DYM: variants seen among roughly 807,000 people sequenced by gnomAD.
The protein encoded by DYM is dyggve-Melchior-Clausen syndrome protein.
In DYM, 78 loss-of-function variants were observed where a neutral mutation model predicts 93.1. That is an observed-to-expected ratio of 0.84 (90% CI 0.70 to 1.01). The LOEUF (loss-of-function observed/expected upper bound fraction) is 1.01. Ranked by LOEUF, DYM falls within the 50% of genes least tolerant of loss-of-function variation. The probability of loss-of-function intolerance (pLI) is 0.00; values close to 1 mark genes in which losing one functional copy is unlikely to be tolerated. For synonymous variants in DYM, 321 were observed against 319.7 expected, an observed-to-expected ratio of 1.00 and a Z score of -0.04; for missense variants, 789 against 845.0, an observed-to-expected ratio of 0.93 and a Z score of 0.82.
In DYM at chr18:49,184,783, T is replaced by C. The variant is rs567755083; in HGVS notation, c.1626-20996A>G. Among the ~76,000 whole-genome samples, 113 of 152,288 alleles carry C rather than the reference T, an allele frequency of 7.4e-4. 2 individuals are homozygous for C. Among genetic ancestry groups the C allele is most frequent in the African/African-American group, 2.7e-3 (112 of 41,558 alleles). On this transcript the variant is annotated intron_variant, in intron 14 of 17. Transcript: ENST00000675505. ...AATTTTCTATTTCTGAAACTTTCCATTTAATATTTTTAGACTACATTTGAT... is the reference window on the plus strand; with the variant it reads ...AATTTTCTATTTCTGAAACTTTCCACTTAATATTTTTAGACTACATTTGAT...
chr18:49,103,491 T>C (rs550866259), intron 16 of DYM, among the ~76,000 whole-genome samples: 8 of 152,180 alleles, frequency 5.3e-5, no homozygotes, highest in East Asian at 3.8e-4. Context: ...CTTGCCTATG[T>C]CTATGTCCTG....
intron 13 of DYM, among the ~76,000 whole-genome samples, chr18:49,235,563 A>G (rs1598816659): frequency 6.6e-6 from 1 of 152,310 alleles, no homozygotes. Context: ...TTCAAACTTA[A>G]TAACATTTAG....
intron 14 of DYM, among the ~76,000 whole-genome samples, chr18:49,201,871 G>A (rs1248411441): frequency 1.3e-5 from 2 of 152,182 alleles, no homozygotes; most frequent in African/African-American, 2.4e-5. Flanking sequence ...ACAGTACAAG[G>A]TAATGATTTT....
At position 49,342,477 on chromosome 18, in the gene DYM, G is replaced by C; in HGVS notation, c.495-8624C>G. On this transcript the variant is annotated intron_variant, in intron 6 of 17. Transcript: ENST00000675505. ...ATGTACATCTTTGGGGTTTGGAATG[G>C]CATTAGTCTGCCTATCACTAGCACT... Among the ~76,000 whole-genome samples the C allele has an allele frequency of 1.3e-5, 2 of 152,124 alleles. 1 individual carries two copies. Among genetic ancestry groups the C allele is most frequent in the Non-Finnish European group, 2.9e-5 (2 of 68,012 alleles).
chr18:49,057,903 T>C (rs1212356468), intron 17 of DYM, among the ~76,000 whole-genome samples: 1 of 152,226 alleles, frequency 6.6e-6, no homozygotes, highest in East Asian at 1.9e-4. Context: ...TATAAACCAT[T>C]ACGGCTGATG....
intron 9 of DYM, among the ~76,000 whole-genome samples, chr18:49,282,561 C>T (rs962697708): frequency 6.6e-6 from 1 of 152,114 alleles, no homozygotes; most frequent in African/African-American, 2.4e-5. Context: ...TGCAGTGAGC[C>T]GAGCTCACGC....
At chr18:49,104,161 T>C (rs1217959510) in intron 16 of DYM, among the ~76,000 whole-genome samples, 2 of 152,118 alleles carry the variant, frequency 1.3e-5, no homozygotes, top group African/African-American at 4.8e-5. Flanking sequence ...GGTATTTTAT[T>C]CTCTTTGAAG....
intron 6 of DYM, among the ~76,000 whole-genome samples, chr18:49,340,716 C>T (rs1244804675): frequency 6.6e-6 from 1 of 152,026 alleles, no homozygotes; most frequent in African/African-American, 2.4e-5. Flanking sequence ...ATCCAGGAAA[C>T]AAAAGACATG....
chr18:49,084,112 T>G (rs1228416006), intron 17 of DYM, among the ~76,000 whole-genome samples: 1 of 152,176 alleles, frequency 6.6e-6, no homozygotes, highest in Non-Finnish European at 1.5e-5. Context: ...AATGTAGGAT[T>G]TAAAGTTATA....
chr18:49,162,665 G>A (rs1232844402), intron 15 of DYM, among the ~76,000 whole-genome samples: 4 of 152,196 alleles, frequency 2.6e-5, no homozygotes, highest in African/African-American at 9.7e-5. Flanking sequence ...CGTCATTAAG[G>A]TGGATGGAAC....
At chr18:49,436,418 C>A (rs2080868476) in intron 1 of DYM, among the ~76,000 whole-genome samples, 1 of 152,182 alleles carries the variant, frequency 6.6e-6, no homozygotes, top group Admixed American at 6.5e-5. Flanking sequence ...GCATTAATTT[C>A]ATTAACTCTG....
At chr18:49,141,814 T>C (rs745318101) in intron 15 of DYM, among the ~76,000 whole-genome samples, 13 of 152,186 alleles carry the variant, frequency 8.5e-5, no homozygotes, top group Non-Finnish European at 1.5e-4. Flanking sequence ...ATGGACTCAA[T>C]GTCTGGGACA....
Position 49,070,027 on chromosome 18 carries a change from C to T in DYM, c.2026-25823G>A, listed in dbSNP as rs545410241. On this transcript the variant is annotated intron_variant, in intron 17 of 17. Transcript: ENST00000675505. ...CAGCACTCCCGCCTGGGCAACAGAGCGAGACTCTGTCTCAAAAACAGACAA... is the reference window on the plus strand; with the variant it reads ...CAGCACTCCCGCCTGGGCAACAGAGTGAGACTCTGTCTCAAAAACAGACAA... Among the ~76,000 whole-genome samples, 4 of 152,246 alleles carry T rather than the reference C, an allele frequency of 2.6e-5. No individual in the cohort carries two copies. The South Asian group carries it at 6.2e-4, about 24-fold the overall frequency.
intron 17 of DYM, among the ~76,000 whole-genome samples, chr18:49,075,195 G>T (rs1225835969): frequency 6.6e-6 from 1 of 152,194 alleles, no homozygotes; most frequent in Non-Finnish European, 1.5e-5. Context: ...ATGATGATGA[G>T]AAGCCAGGGA....
intron 6 of DYM, among the ~76,000 whole-genome samples, chr18:49,351,805 G>C (rs2147176603): frequency 6.6e-6 from 1 of 152,196 alleles, no homozygotes; most frequent in Middle Eastern, 3.4e-3. Context: ...TTCTTCAAAA[G>C]CTACATGAGA....
intron 14 of DYM, among the ~76,000 whole-genome samples, chr18:49,168,207 T>C (rs1436100818): frequency 1.3e-5 from 2 of 151,902 alleles, no homozygotes; most frequent in Admixed American, 6.6e-5. Flanking sequence ...AGCTCTCACA[T>C]GAGTACTCCC....
chr18:49,430,416 T>C lies in DYM; in HGVS notation c.-22A>G, dbSNP rs756820132. Reference sequence around the variant, plus strand: ...CCATCTTCTAGCTTAAGCAGATAATTTGTCCTTAAACCTGCATTTCCAAAA... The same window carrying C: ...CCATCTTCTAGCTTAAGCAGATAATCTGTCCTTAAACCTGCATTTCCAAAA... On this transcript the variant is annotated 5_prime_UTR_variant, in exon 2 of 18. Transcript: ENST00000675505. 1.1e-5 allele frequency: 18 copies of C among 1,612,346 alleles called. No homozygotes were observed. The highest frequency in any genetic ancestry group is 1.5e-5 in the Non-Finnish European group (18 of 1,179,980).
intron 14 of DYM, among the ~76,000 whole-genome samples, chr18:49,192,885 T>C (rs951798145): frequency 2.0e-5 from 3 of 152,160 alleles, no homozygotes; most frequent in South Asian, 4.1e-4. Context: ...AGAATGGTGG[T>C]TACCAGCGGC....
intron 15 of DYM, among the ~76,000 whole-genome samples, chr18:49,119,616 A>G (rs1165406348): frequency 6.6e-6 from 1 of 152,216 alleles, no homozygotes; most frequent in Non-Finnish European, 1.5e-5. Flanking sequence ...GTGGTTCTCA[A>G]TGTATGTAAA....
Sources: allele counts gnomAD v4.1 joint callset (sites outside exome capture counted in the v4.1 genomes callset), GRCh38; gene constraint gnomAD v4.1.1; transcripts MANE v1.5; gene names NCBI Gene and HGNC (gene_info 2026-07-23, HGNC 2026-07-21).